Variants in EXTL3 observed in about 807,000 individuals in gnomAD.
The protein encoded by EXTL3 is exostosin-like 3.
A neutral mutation model predicts 69.3 loss-of-function variants in EXTL3; 27 were observed. That is an observed-to-expected ratio of 0.39 (90% CI 0.29 to 0.54). The LOEUF is 0.54. Ranked by LOEUF, EXTL3 falls within the 20% of genes least tolerant of loss-of-function variation. The probability of loss-of-function intolerance (pLI) is 0.69; values close to 1 mark genes in which losing one functional copy is unlikely to be tolerated. For missense variants in EXTL3, 1,003 were observed against 1,231.8 expected (o/e 0.81, Z 2.78); for synonymous variants, 511 against 499.4 (o/e 1.02, Z -0.31).
intron 2 of EXTL3, among the ~76,000 whole-genome samples, chr8:28,610,531 C>G (rs978430979): frequency 2.0e-5 from 3 of 152,060 alleles, no homozygotes; most frequent in Admixed American, 6.6e-5. Context: ...CACTGAGGAC[C>G]GGCTCTGATT....
chr8:28,749,459 A>G (rs1018880487), intron 6 of EXTL3, among the ~76,000 whole-genome samples: 1 of 152,156 alleles, frequency 6.6e-6, no homozygotes, highest in African/African-American at 2.4e-5. Flanking sequence ...CTTCTTCCCC[A>G]TCTTTCTTTG....
rs1801177675 is a variant in EXTL3 at position 28,717,280 on chromosome 8, C to T, written c.1221C>T (p.Ser407=). Residue 407 remains serine (S), a synonymous_variant, in exon 3 of 7, where the codon AGC becomes AGT. Transcript: ENST00000220562. This position sits in a 1 kb window ranked among gnomAD's most constrained non-coding sequence, Gnocchi z 8.3. ...CCTGCAAAAACCAGCCCAAACCCAG[C>T]CTGCCGACTGAGTGGGCACTGTGTG... ...EFTCKNQPKP[S]LPTEWALCGE... The T allele has an allele frequency of 3.7e-6, 6 of 1,614,256 alleles. No individual in the cohort carries two copies. The highest frequency in any genetic ancestry group is 5.1e-6 in the Non-Finnish European group (6 of 1,180,050).
chr8:28,756,366 G>T (rs554720373), downstream of EXTL3, among the ~76,000 whole-genome samples: 2 of 152,186 alleles, frequency 1.3e-5, no homozygotes, highest in South Asian at 4.1e-4. Flanking sequence ...CTACTCTTGT[G>T]TGTGTCCGTC....
intron 4 of EXTL3, among the ~76,000 whole-genome samples, chr8:28,735,499 C>G (rs1242830214): frequency 6.6e-6 from 1 of 152,196 alleles, no homozygotes; most frequent in Non-Finnish European, 1.5e-5. Flanking sequence ...TAATGTGTCT[C>G]TTAACTGTCA....
At chr8:28,636,404 T>C (rs1446589018) in intron 1 of EXTL3, among the ~76,000 whole-genome samples, 8 of 151,428 alleles carry the variant, frequency 5.3e-5, no homozygotes, top group Non-Finnish European at 8.8e-5. Context: ...TCACATGAGC[T>C]CTTATCACCC....
intron 1 of EXTL3, among the ~76,000 whole-genome samples, chr8:28,688,474 A>T (rs1800561229): frequency 6.6e-6 from 1 of 152,224 alleles, no homozygotes; most frequent in Admixed American, 6.5e-5. Context: ...ATTATCTGGG[A>T]TAATCCTTAC....
Position 28,716,632 on chromosome 8 carries a change from C to T in EXTL3, c.573C>T (p.Thr191=). ...TTGATTATTCTCGTTGCCCTCTCAC[C>T]TCTGGCTTCCCGGTCTACGTCTATG... The part of the protein sequence containing the change: ...NCFDYSRCPL[T]SGFPVYVYDS... Residue 191 remains threonine, a synonymous_variant, in exon 3 of 7, where the codon ACC becomes ACT. Coordinates refer to ENST00000220562, the MANE Select transcript of EXTL3 (RefSeq NM_001440.4). The surrounding 1 kb of genome is among the most constrained non-coding windows in gnomAD (Gnocchi z 7.1). 6.2e-7 allele frequency: 1 copy of T among 1,614,254 alleles called. No individual in the cohort carries two copies. Among genetic ancestry groups the T allele is most frequent in the Non-Finnish European group, 8.5e-7 (1 of 1,180,044 alleles).
intron 3 of EXTL3, among the ~76,000 whole-genome samples, chr8:28,721,447 T>C (rs1801290706): frequency 6.6e-6 from 1 of 152,248 alleles, no homozygotes; most frequent in Non-Finnish European, 1.5e-5. Context: ...GGGTTTTGTA[T>C]GAGAGTTTTA....
At chr8:28,710,172 G>T (rs893016499) in intron 1 of EXTL3, among the ~76,000 whole-genome samples, 1 of 152,180 alleles carries the variant, frequency 6.6e-6, no homozygotes, top group Non-Finnish European at 1.5e-5. Flanking sequence ...AGATGTGCTT[G>T]CTGCCATTGA....
At chr8:28,731,881 GTAA>G (rs778009513) in intron 4 of EXTL3, among the ~76,000 whole-genome samples, 2 of 151,924 alleles carry the variant, frequency 1.3e-5, no homozygotes, top group African/African-American at 2.4e-5. Context: ...GGAGGTGGTG[GTAA>G]TGATGATGAT....
intron 6 of EXTL3, among the ~76,000 whole-genome samples, chr8:28,748,084 G>C (rs751054585): frequency 3.9e-5 from 6 of 152,082 alleles, no homozygotes; most frequent in Non-Finnish European, 8.8e-5. Flanking sequence ...TTAAAAACTT[G>C]ACAGTAGGCT....
At position 28,710,819 on chromosome 8, in the gene EXTL3, G is replaced by A. The variant is rs240945; in HGVS notation, c.-569-2638G>A. ...TCTGGAGTGGTGTGATTACAGGCAT[G>A]AGCCGCAGCGCCTGGCTTGTGGTAT... On this transcript the variant is annotated intron_variant, in intron 1 of 6. Transcript: ENST00000220562. 1.9e-3 allele frequency among the ~76,000 whole-genome samples: 293 copies of A among 152,022 alleles called. 3 individuals are homozygous for A. The highest frequency in any genetic ancestry group is 4.5e-3 in the Admixed American group (68 of 15,278).
At chr8:28,668,167 T>C (rs1473251350) in intron 1 of EXTL3, among the ~76,000 whole-genome samples, 2 of 149,946 alleles carry the variant, frequency 1.3e-5, no homozygotes, top group Non-Finnish European at 2.9e-5. Context: ...CTTGTGAGGC[T>C]GACGTGAGAG....
chr8:28,691,487 A>G (rs1460784166), intron 1 of EXTL3, among the ~76,000 whole-genome samples: 1 of 152,060 alleles, frequency 6.6e-6, no homozygotes, highest in Non-Finnish European at 1.5e-5. Flanking sequence ...GAAATGGTTG[A>G]CACATAGAGA....
intron 1 of EXTL3, among the ~76,000 whole-genome samples, chr8:28,637,613 C>T (rs1806676906): frequency 6.6e-6 from 1 of 151,470 alleles, no homozygotes; most frequent in Non-Finnish European, 1.5e-5. Flanking sequence ...GACTAGGCAA[C>T]ATAGCAAGAC....
At chr8:28,755,751 A>G (rs112127724), downstream of EXTL3, among the ~76,000 whole-genome samples, 2,717 of 152,282 alleles carry the variant, frequency 0.018, 26 homozygotes, top group Non-Finnish European at 0.025. Context: ...CGTCTCATAA[A>G]AATAAAAAAA....
In EXTL3 at chr8:28,672,414, T is replaced by C. The variant is rs909655150; in HGVS notation, c.-52-41043T>C. On this transcript the variant is annotated intron_variant, in intron 1 of 6. Coordinates refer to the EXTL3 transcript ENST00000523149. ...GTCTGGGCAACCGAGCGAGACTCCT[T>C]CTCGGGGTGGGGGGGCGGGGGGAGA... is the stretch of plus-strand genomic sequence containing the variant. 2.3e-3 allele frequency among the ~76,000 whole-genome samples: 79 copies of C among 33,992 alleles called. 1 individual carries two copies. Among genetic ancestry groups the C allele is most frequent in the Non-Finnish European group, 6.4e-4 (12 of 18,618 alleles). The allele number at this position is 33,992 out of a possible 152,430, so 22.3% of individuals were successfully genotyped here.
intron 6 of EXTL3, among the ~76,000 whole-genome samples, chr8:28,744,626 C>G (rs1254287290): frequency 5.9e-5 from 9 of 152,200 alleles, no homozygotes; most frequent in African/African-American, 2.2e-4. Flanking sequence ...AACCTTGTCT[C>G]TACTAAAAAT....
chr8:28,675,427 C>T (rs548114435), intron 1 of EXTL3, among the ~76,000 whole-genome samples: 4 of 152,288 alleles, frequency 2.6e-5, no homozygotes, highest in African/African-American at 9.6e-5. Context: ...GTTAAGCTCC[C>T]TCTTTAAGAT....
Sources: gnomAD v4.1 joint callset for allele counts (sites outside exome capture counted in the v4.1 genomes callset) on GRCh38, gnomAD v4.1.1 for gene constraint, Gnocchi (gnomAD v3.1) non-coding constraint, MANE v1.5 for transcripts, NCBI Gene and HGNC (gene_info 2026-07-23, HGNC 2026-07-21) for gene names.